Variants in ATP10D observed in about 807,000 individuals in gnomAD.
ATP10D encodes ATPase phospholipid transporting 10D (putative), also known as phospholipid-transporting ATPase VD.
Under a neutral mutation model 144.8 loss-of-function variants are expected in ATP10D, and 89 were observed. The ratio of observed to expected loss-of-function variants is 0.61; its 90% confidence interval spans 0.52 to 0.73. ATP10D has a LOEUF of 0.73. Among genes scored for constraint, ATP10D ranks in the 30% least tolerant of loss-of-function variants. The pLI is 0.00. For synonymous variants in ATP10D, 571 were observed against 615.1 expected (o/e 0.93, Z 1.06); for missense variants, 1,603 against 1,714.8 (o/e 0.93, Z 1.15).
chr4:47,578,585 A>G (rs1490059558), intron 19 of ATP10D: 1 of 152,176 alleles, frequency 6.6e-6, no homozygotes, highest in Non-Finnish European at 1.5e-5. Flanking sequence ...TTCTTTGAGC[A>G]ACCTCTCTCT....
intron 1 of ATP10D, among the ~76,000 whole-genome samples, chr4:47,503,536 T>A (rs1266042780): frequency 2.0e-5 from 3 of 152,234 alleles, no homozygotes; most frequent in Admixed American, 6.5e-5. Context: ...AAAAGTAGTA[T>A]GACTTAGCTT....
At position 47,572,644 on chromosome 4, in the gene ATP10D, C is replaced by CGTGTGTGTGTGT. The variant is rs72171059; in HGVS notation, c.3241-203_3241-192dup. 4.3e-3 allele frequency among the ~76,000 whole-genome samples: 619 copies of CGTGTGTGTGTGT among 145,294 alleles called. 2 individuals are homozygous for CGTGTGTGTGTGT. The highest frequency in any genetic ancestry group is 5.8e-3 in the Admixed American group (84 of 14,570). ...AGTGGGAGTGTCCTATTTGTGCGCA[C>CGTGTGTGTGTGT]GTGTGTGTGTGTGTGTGTGTGTGTG... is the stretch of plus-strand genomic sequence containing the variant. On this transcript the variant is annotated intron_variant, in intron 17 of 22. Coordinates refer to ENST00000273859, the MANE Select transcript of ATP10D (RefSeq NM_020453.4).
intron 18 of ATP10D, 34 bp downstream of exon 18, chr4:47,573,031 T>G (rs1720047501): frequency 6.2e-7 from 1 of 1,608,336 alleles, no homozygotes; most frequent in Admixed American, 1.7e-5. Flanking sequence ...CCCTTTTCCC[T>G]TCGTACCTTC....
intron 4 of ATP10D, among the ~76,000 whole-genome samples, chr4:47,523,547 T>C (rs1717080307): frequency 1.3e-5 from 2 of 152,248 alleles, no homozygotes; most frequent in Admixed American, 1.3e-4. Flanking sequence ...TAATTACTTA[T>C]ATACCAAAGC....
intron 1 of ATP10D, among the ~76,000 whole-genome samples, chr4:47,511,832 G>A (rs933403590): frequency 6.6e-6 from 1 of 152,178 alleles, no homozygotes; most frequent in African/African-American, 2.4e-5. Context: ...GGTAAATGGG[G>A]CAACTGAGGC....
In ATP10D at chr4:47,548,659, T is replaced by C. The variant is rs1047475579; in HGVS notation, c.1635+1797T>C. On this transcript the variant is annotated intron_variant, in intron 10 of 22. Coordinates refer to ENST00000273859, the MANE Select transcript of ATP10D (RefSeq NM_020453.4). ...TCATTTGCCTTATACTCCAATGTCA[T>C]TGCTGATTATGTGGATGCTCTTGTG... 2.6e-4 allele frequency among the ~76,000 whole-genome samples: 39 copies of C among 152,354 alleles called. 1 individual carries two copies. The highest frequency in any genetic ancestry group is 1.9e-3 in the Admixed American group (29 of 15,304).
At chr4:47,587,844 A>G (rs989057690) in intron 22 of ATP10D, among the ~76,000 whole-genome samples, 29 of 152,210 alleles carry the variant, frequency 1.9e-4, no homozygotes, top group African/African-American at 6.3e-4. Context: ...TGGGGGGAAT[A>G]AACATTCCAA....
chr4:47,576,047 T>G (rs1001127102), intron 18 of ATP10D, among the ~76,000 whole-genome samples: 1 of 146,496 alleles, frequency 6.8e-6, no homozygotes, highest in African/African-American at 2.5e-5. Context: ...TTCTCCTGCC[T>G]CAGCCTCCCA....
chr4:47,544,735 C>T (rs1718323100), intron 9 of ATP10D, among the ~76,000 whole-genome samples: 2 of 152,154 alleles, frequency 1.3e-5, no homozygotes, highest in African/African-American at 4.8e-5. Flanking sequence ...TTAAAGAATA[C>T]AGACAAAAAC....
intron 1 of ATP10D, among the ~76,000 whole-genome samples, chr4:47,485,938 A>G (rs2109373796): frequency 6.6e-6 from 1 of 152,254 alleles, no homozygotes; most frequent in South Asian, 2.1e-4. Flanking sequence ...CAGTTTAAAG[A>G]AATTTTGGTT....
At chr4:47,544,574 C>A (rs111606495) in intron 9 of ATP10D, among the ~76,000 whole-genome samples, 5 of 152,248 alleles carry the variant, frequency 3.3e-5, no homozygotes, top group African/African-American at 1.2e-4. Context: ...ATCTTAAAGT[C>A]ACCGAATCCA....
rs1674488114 is a variant in ATP10D, at chr4:47,485,438, T to C, written c.-119T>C. 1 of 151,864 alleles carries C rather than the reference T, an allele frequency of 6.6e-6. No individual in the cohort carries two copies. Among genetic ancestry groups the C allele is most frequent in the Non-Finnish European group, 1.5e-5 (1 of 67,994 alleles). 9.4% of individuals were successfully genotyped at this position (151,864 alleles called of 1,614,324 possible). A position where few individuals can be genotyped will look rare whatever the true frequency, so the allele number is the denominator to read the frequency against. ...GCGTGGAAGCACAACCCGCTTTCAC[T>C]CTTCGAATTTGTGCTTAGCTCTTTT... is the stretch of plus-strand genomic sequence containing the variant. On this transcript the variant is annotated 5_prime_UTR_variant, in exon 1 of 23. Coordinates refer to ENST00000273859, the MANE Select transcript of ATP10D (RefSeq NM_020453.4).
At chr4:47,535,464 A>T (rs956057609) in intron 5 of ATP10D, 45 bp from the exon 6 acceptor site, 4 of 1,452,686 alleles carry the variant, frequency 2.8e-6, no homozygotes, top group Non-Finnish European at 3.8e-6. Flanking sequence ...TTATATCCCC[A>T]CTTTTGCTGT....
At chr4:47,537,252 C>T (rs967629400) in intron 9 of ATP10D, among the ~76,000 whole-genome samples, 25 of 152,102 alleles carry the variant, frequency 1.6e-4, no homozygotes, top group African/African-American at 5.8e-4. Context: ...TGGGCCATTT[C>T]TTTGAAAAAT....
chr4:47,560,891 G>C, intron 13 of ATP10D, 58 bp from the exon 14 acceptor site: 2 of 1,604,382 alleles, frequency 1.2e-6, no homozygotes, highest in Non-Finnish European at 1.7e-6. Flanking sequence ...GGTCAGTCCT[G>C]GTATTCCCAC....
chr4:47,558,846 AACT>A, intron 12 of ATP10D, 74 bp from the exon 13 acceptor site: 1 of 1,212,518 alleles, frequency 8.2e-7, no homozygotes, highest in Non-Finnish European at 1.2e-6. Flanking sequence ...GTGTGGATAA[AACT>A]ACTATTGTTT....
intron 1 of ATP10D, among the ~76,000 whole-genome samples, chr4:47,511,262 A>G (rs1716309998): frequency 6.6e-6 from 1 of 151,790 alleles, no homozygotes; most frequent in Non-Finnish European, 1.5e-5. Context: ...TAAATATTTT[A>G]GAGGCCAAAA....
At chr4:47,576,725 C>A in intron 18 of ATP10D, 48 bp from the exon 19 acceptor site, 1 of 1,533,876 alleles carries the variant, frequency 6.5e-7, no homozygotes. Context: ...GTAATCATAG[C>A]ACACATTACT....
At chr4:47,520,930 A>T (rs1227998886) in intron 3 of ATP10D, among the ~76,000 whole-genome samples, 1 of 152,154 alleles carries the variant, frequency 6.6e-6, no homozygotes, top group Non-Finnish European at 1.5e-5. Flanking sequence ...TCTTCCAATC[A>T]ACAATTTCAC....
Sources: allele counts gnomAD v4.1 joint callset (sites outside exome capture counted in the v4.1 genomes callset), GRCh38; gene constraint gnomAD v4.1.1; transcripts MANE v1.5; gene names NCBI Gene and HGNC (gene_info 2026-07-23, HGNC 2026-07-21).